The following VNN1 variants were observed in gnomAD, a reference collection of about 807,000 sequenced individuals.
VNN1 encodes the protein pantetheinase.
A neutral mutation model predicts 41.9 loss-of-function variants in VNN1; 29 were observed. The observed-to-expected ratio is 0.69, with a 90% CI of 0.52 to 0.94. The LOEUF (loss-of-function observed/expected upper bound fraction) is 0.94, where lower values mean the gene tolerates loss of function less well. VNN1 is among the 40% of genes least tolerant of loss of function. VNN1 has a pLI of 0.00. For synonymous variants in VNN1, 233 were observed against 224.4 expected (o/e 1.04, Z -0.34); for missense variants, 637 against 621.1 (o/e 1.03, Z -0.27).
chr6:132,708,190 T>C lies in VNN1; in HGVS notation c.341+3519A>G, dbSNP rs117796130. On this transcript the variant is annotated intron_variant, in intron 2 of 6. Coordinates refer to ENST00000367928, the MANE Select transcript of VNN1 (RefSeq NM_004666.3). The stretch of plus-strand genomic sequence containing the variant: ...GAAGAAATATGCAAGCTTTCTTCTA[T>C]GATGCAATCAAAGTGTCTGAACAAA... Among the ~76,000 whole-genome samples the C allele has an allele frequency of 1.6e-3, 246 of 152,354 alleles. 3 individuals are homozygous for C. The East Asian group carries it at 0.039, about 24-fold the overall frequency.
chr6:132,696,192 G>T (rs1778369263), intron 2 of VNN1, among the ~76,000 whole-genome samples: 1 of 152,124 alleles, frequency 6.6e-6, no homozygotes, highest in African/African-American at 2.4e-5. Context: ...TAACTGAAAT[G>T]AATATTTTAT....
intron 5 of VNN1, among the ~76,000 whole-genome samples, chr6:132,688,776 A>G (rs1230224899): frequency 6.6e-6 from 1 of 152,212 alleles, no homozygotes; most frequent in Non-Finnish European, 1.5e-5. Context: ...TTCTTCTACA[A>G]TATGATTCAT....
Position 132,712,251 on chromosome 6 carries a change from G to T in VNN1, c.211-412C>A, listed in dbSNP as rs570924825. On this transcript the variant is annotated intron_variant, in intron 1 of 6. Coordinates refer to ENST00000367928, the MANE Select transcript of VNN1 (RefSeq NM_004666.3). ...CACAATCTCCACCTCCCGGGTTCAA[G>T]CGATTCTCCCGCCTCAGCCTCATAA... Among the ~76,000 whole-genome samples, 288 of 151,466 alleles carry T rather than the reference G, an allele frequency of 1.9e-3. 1 individual carries two copies. Among genetic ancestry groups the T allele is most frequent in the South Asian group, 3.8e-3 (18 of 4,790 alleles).
chr6:132,691,731 T>C (rs1238000638), intron 5 of VNN1, among the ~76,000 whole-genome samples: 1 of 152,176 alleles, frequency 6.6e-6, no homozygotes, highest in African/African-American at 2.4e-5. Context: ...GCACGGTGGC[T>C]CATGCCTATA....
At chr6:132,694,878 T>C (rs535910724) in intron 2 of VNN1, among the ~76,000 whole-genome samples, 44 of 151,876 alleles carry the variant, frequency 2.9e-4, no homozygotes, top group African/African-American at 9.9e-4. Context: ...GGGGGCCAGG[T>C]GTGGTAGCTC....
chr6:132,685,527 G>T (rs1778193005), intron 5 of VNN1, among the ~76,000 whole-genome samples: 1 of 152,092 alleles, frequency 6.6e-6, no homozygotes, highest in Non-Finnish European at 1.5e-5. Context: ...ACCCACAAAG[G>T]TAGGAAAATA....
chr6:132,686,244 C>A (rs1054184544), intron 5 of VNN1, among the ~76,000 whole-genome samples: 1 of 152,056 alleles, frequency 6.6e-6, no homozygotes, highest in African/African-American at 2.4e-5. Context: ...GTCAGGAGTT[C>A]GAGACCAGCC....
rs751481743 is a variant in VNN1, at chr6:132,684,329, T to A, written c.1359+6A>T. The A allele has an allele frequency of 6.2e-7, 1 of 1,606,956 alleles. No homozygotes were observed. The highest frequency in any genetic ancestry group is 1.3e-5 in the African/African-American group (1 of 74,726). ...AAACTAATTGGCAATATTCGAAGAT[T>A]CTTACCTGAAATTCTCCAGGTGCAA... On this transcript the variant is annotated splice_donor_region_variant and intron_variant, in intron 6 of 6. Transcript: ENST00000367928.
At chr6:132,697,365 C>A (rs1054198576) in intron 2 of VNN1, among the ~76,000 whole-genome samples, 13 of 152,042 alleles carry the variant, frequency 8.6e-5, no homozygotes, top group Non-Finnish European at 1.5e-4. Context: ...CATTAGGAAG[C>A]TGTTGCCATT....
chr6:132,689,343 C>T (rs764245327), intron 5 of VNN1, among the ~76,000 whole-genome samples: 27 of 152,112 alleles, frequency 1.8e-4, no homozygotes, highest in African/African-American at 2.7e-4. Context: ...CATTGTCTTG[C>T]TTCTCTTCTT....
intron 6 of VNN1, 92 bp from the exon 7 acceptor site, chr6:132,683,414 C>T: frequency 7.6e-7 from 1 of 1,313,502 alleles, no homozygotes; most frequent in East Asian, 2.6e-5. Context: ...AATGAAGAAA[C>T]AAAAATACTG....
intron 2 of VNN1, among the ~76,000 whole-genome samples, chr6:132,702,501 C>T (rs1778460659): frequency 1.3e-5 from 2 of 152,158 alleles, no homozygotes; most frequent in Non-Finnish European, 2.9e-5. Flanking sequence ...AACCAGTAGC[C>T]TTGGAGCGCA....
At chr6:132,699,284 C>T (rs543576256) in intron 2 of VNN1, 84 of 203,992 alleles carry the variant, frequency 4.1e-4, no homozygotes, top group Non-Finnish European at 7.2e-4. Flanking sequence ...AGGGAACTTG[C>T]CATTTGAAAG....
In VNN1 at chr6:132,693,179, A is replaced by T. The variant is rs779730390; in HGVS notation, c.671T>A (p.Val224Glu). 4.4e-5 allele frequency: 71 copies of T among 1,614,058 alleles called. No homozygotes were observed. Among genetic ancestry groups the T allele is most frequent in the Non-Finnish European group, 5.8e-5 (69 of 1,180,016 alleles). ...TATGGTGTCCACGTGGAAATCTTTC[A>T]CCAAGGTAACAGCAGGATCATGGAA... ...ILFHDPAVTL[V>E]KDFHVDTIVF... The change falls in exon 4 of 7, where the codon GTG becomes GAG. Residue 224 changes from valine (V) to glutamate (E), a missense_variant. Physicochemically the swap from Val to Glu is moderately radical, Grantham distance 121. Coordinates refer to ENST00000367928, the MANE Select transcript of VNN1 (RefSeq NM_004666.3).
chr6:132,703,312 T>G (rs990372939), intron 2 of VNN1, among the ~76,000 whole-genome samples: 4 of 152,082 alleles, frequency 2.6e-5, no homozygotes, highest in Admixed American at 2.6e-4. Context: ...GTAGAAAAAC[T>G]AAAAGATGAA....
intron 2 of VNN1, among the ~76,000 whole-genome samples, chr6:132,696,261 A>G (rs1425309603): frequency 6.6e-6 from 1 of 152,214 alleles, no homozygotes; most frequent in African/African-American, 2.4e-5. Flanking sequence ...ACTGGAAGAC[A>G]GGACCATTGA....
In VNN1 at chr6:132,711,759, C is replaced by T. The variant is rs1778603545; in HGVS notation, c.291G>A (p.Glu97=). The T allele has an allele frequency of 6.2e-7, 1 of 1,613,818 alleles. No individual in the cohort carries two copies. Among genetic ancestry groups the T allele is most frequent in the African/African-American group, 1.3e-5 (1 of 74,886 alleles). ...FNRDSLYPYL[E]DIPDPEVNWI... ...AGTTTACTTCAGGGTCTGGGATGTC[C>T]TCCAAATATGGGTAGAGAGAGTCCC... Residue 97 remains glutamate, a synonymous_variant, in exon 2 of 7, where the codon GAG becomes GAA. Transcript: ENST00000367928.
At chr6:132,691,208 A>G (rs879376746) in intron 5 of VNN1, among the ~76,000 whole-genome samples, 1 of 152,232 alleles carries the variant, frequency 6.6e-6, no homozygotes, top group African/African-American at 2.4e-5. Flanking sequence ...ATTAGAAGTC[A>G]GTGAAGAATT....
At chr6:132,702,869 A>G (rs73772939) in intron 2 of VNN1, among the ~76,000 whole-genome samples, 1 of 152,362 alleles carries the variant, frequency 6.6e-6, no homozygotes, top group African/African-American at 2.4e-5. Context: ...CATCAGTGAT[A>G]GCCAGGCAGT....
Sources: gnomAD v4.1 joint callset for allele counts (sites outside exome capture counted in the v4.1 genomes callset) on GRCh38, gnomAD v4.1.1 for gene constraint, MANE v1.5 for transcripts, NCBI Gene and HGNC (gene_info 2026-07-23, HGNC 2026-07-21) for gene names.